COPS3: variants seen among roughly 807,000 people sequenced by gnomAD.
COPS3 encodes the protein COP9 signalosome complex subunit 3.
A neutral mutation model predicts 58.2 loss-of-function variants in COPS3; 10 were observed. The ratio of observed to expected loss-of-function variants is 0.17; its 90% confidence interval spans 0.11 to 0.29. The LOEUF is 0.29. COPS3 is among the 10% of genes least tolerant of loss of function. The pLI is 1.00. For missense variants in COPS3, 333 were observed against 510.1 expected (o/e 0.65, Z 3.34); for synonymous variants, 187 against 181.7 (o/e 1.03, Z -0.24).
chr17:17,277,037 C>A (rs1234021749), intron 1 of COPS3, among the ~76,000 whole-genome samples: 1 of 152,210 alleles, frequency 6.6e-6, no homozygotes, highest in African/African-American at 2.4e-5. Context: ...CTTCCCCTCA[C>A]ACACCTACTC....
intron 5 of COPS3, among the ~76,000 whole-genome samples, chr17:17,267,254 C>T (rs576423430): frequency 6.7e-5 from 10 of 148,408 alleles, no homozygotes; most frequent in Admixed American, 2.8e-4. Context: ...GGGAGAATGG[C>T]GTGAACCCGG....
rs1281238426 is a variant in COPS3, at chr17:17,264,856, C to A, written c.567G>T (p.Gly189=). Reference sequence around the variant, plus strand: ...AGTTCTTCAGCCCAGTATAGATCATCCCTCCATAATAATAGTAACATAAAA... The same window carrying A: ...AGTTCTTCAGCCCAGTATAGATCATACCTCCATAATAATAGTAACATAAAA... ...KHFLCYYYYG[G]MIYTGLKNFE... Residue 189 remains glycine (G), a synonymous_variant, in exon 6 of 12, where the codon GGG becomes GGT. Coordinates refer to ENST00000268717, the MANE Select transcript of COPS3 (RefSeq NM_003653.4). The A allele has an allele frequency of 6.2e-7, 1 of 1,613,334 alleles. No homozygotes were observed. Among genetic ancestry groups the A allele is most frequent in the Non-Finnish European group, 8.5e-7 (1 of 1,179,434 alleles).
chr17:17,254,814 G>GAAAAAAAA lies in COPS3; in HGVS notation c.1023+37_1023+44dup, dbSNP rs71152853. On this transcript the variant is annotated intron_variant, in intron 9 of 11. Coordinates refer to ENST00000268717, the MANE Select transcript of COPS3 (RefSeq NM_003653.4). ...ACAGAGCGAGACTCCATCTCAAAAA[G>GAAAAAAAA]AAAAAAAAAAAAAAAAAAGAAAAAG... 2.3e-3 allele frequency: 1,861 copies of GAAAAAAAA among 819,084 alleles called. 6 individuals are homozygous for GAAAAAAAA. Among genetic ancestry groups the GAAAAAAAA allele is most frequent in the South Asian group, 8.3e-3 (439 of 53,076 alleles). 50.7% of individuals were successfully genotyped at this position (819,084 alleles called of 1,614,324 possible).
chr17:17,267,327 C>CAA (rs778325363), intron 5 of COPS3, among the ~76,000 whole-genome samples: 47 of 50,312 alleles, frequency 9.3e-4, no homozygotes, highest in South Asian at 4.2e-3. Context: ...GACTCCGTCT[C>CAA]AAAAAAAAAA....
At position 17,247,091 on chromosome 17, in the gene COPS3, GTTAGTT is replaced by G; in HGVS notation, c.*1_*6del. 1 of 1,612,698 alleles carries G rather than the reference GTTAGTT, an allele frequency of 6.2e-7. No homozygotes were observed. The highest frequency in any genetic ancestry group is 8.5e-7 in the Non-Finnish European group (1 of 1,178,684). On this transcript the variant is annotated 3_prime_UTR_variant, in exon 12 of 12. Coordinates refer to ENST00000268717, the MANE Select transcript of COPS3 (RefSeq NM_003653.4). ...TTCTCTTGTTTAGCTCAGGATGGAT[GTTAGTT>G]TCAAGAATAACTGGATGGTTTGTTT...
At chr17:17,253,795 AC>A (rs2047901073) in intron 9 of COPS3, among the ~76,000 whole-genome samples, 1 of 152,152 alleles carries the variant, frequency 6.6e-6, no homozygotes, top group Non-Finnish European at 1.5e-5. Context: ...CTCTTTGTAT[AC>A]CAAAAATATT....
intron 4 of COPS3, among the ~76,000 whole-genome samples, chr17:17,269,991 A>G (rs1427029671): frequency 6.6e-6 from 1 of 152,088 alleles, no homozygotes; most frequent in African/African-American, 2.4e-5. Context: ...CCCCGTCTCT[A>G]CTAAAATACA....
At chr17:17,261,915 T>C in intron 7 of COPS3, 51 bp downstream of exon 7, 1 of 1,488,888 alleles carries the variant, frequency 6.7e-7, no homozygotes, top group Non-Finnish European at 9.1e-7. Flanking sequence ...GCAATTTCTT[T>C]ATATACTCAA....
intron 1 of COPS3, among the ~76,000 whole-genome samples, chr17:17,280,336 A>C (rs1294584213): frequency 6.7e-6 from 1 of 149,242 alleles, no homozygotes; most frequent in Non-Finnish European, 1.5e-5. Flanking sequence ...CTCGAAGGCG[A>C]AGGTTGAGGT....
intron 8 of COPS3, among the ~76,000 whole-genome samples, chr17:17,256,013 CAAA>C (rs771287385): frequency 8.9e-6 from 1 of 112,900 alleles, no homozygotes. Context: ...ACTAAAAATA[CAAA>C]AAAAAAAAAA....
rs1408752454 is a variant in COPS3 at position 17,280,763 on chromosome 17, G to A, written c.55+369C>T. 2.4e-6 allele frequency: 3 copies of A among 1,248,424 alleles called. No individual in the cohort carries two copies. In the East Asian group the frequency reaches 1.6e-4, roughly 68 times the overall value. 77.3% of individuals were successfully genotyped at this position (1,248,424 alleles called of 1,614,324 possible). A position where few individuals can be genotyped will look rare whatever the true frequency, so the allele number is the denominator to read the frequency against. ...GGATCGGCGGCAAAGATGACATGGC[G>A]GTGCGCCAATCACCGAAGGCAAGAG... On this transcript the variant is annotated intron_variant, in intron 1 of 11. Transcript: ENST00000268717.
At chr17:17,253,323 A>G (rs2047892523) in intron 9 of COPS3, among the ~76,000 whole-genome samples, 1 of 152,246 alleles carries the variant, frequency 6.6e-6, no homozygotes, top group Non-Finnish European at 1.5e-5. Context: ...ACAGGTTTTC[A>G]GTGAACTAAA....
At chr17:17,252,038 C>T (rs1213648161) in intron 9 of COPS3, among the ~76,000 whole-genome samples, 2 of 151,550 alleles carry the variant, frequency 1.3e-5, no homozygotes, top group East Asian at 1.9e-4. Context: ...CACTGCACTC[C>T]AGCCTGGGTG....
chr17:17,264,493 A>G (rs2048178108), intron 6 of COPS3, among the ~76,000 whole-genome samples: 1 of 152,236 alleles, frequency 6.6e-6, no homozygotes. Context: ...ACTCAGTTCA[A>G]TCTCTTCCTT....
At chr17:17,254,010 T>TTA (rs2047906409) in intron 9 of COPS3, among the ~76,000 whole-genome samples, 1 of 143,446 alleles carries the variant, frequency 7.0e-6, no homozygotes, top group Admixed American at 7.1e-5. Context: ...TAAAAGAAAA[T>TTA]AATAAGGAGT....
intron 1 of COPS3, among the ~76,000 whole-genome samples, chr17:17,279,917 A>G (rs551317803): frequency 4.4e-4 from 67 of 152,340 alleles, no homozygotes; most frequent in African/African-American, 1.6e-3. Flanking sequence ...TACGCAATGA[A>G]TGAACCAAAC....
At chr17:17,249,479 A>G (rs1567844423) in intron 9 of COPS3, among the ~76,000 whole-genome samples, 1 of 151,752 alleles carries the variant, frequency 6.6e-6, no homozygotes, top group Non-Finnish European at 1.5e-5. Flanking sequence ...GCCCGCCACC[A>G]CACCAGGCTA....
intron 1 of COPS3, among the ~76,000 whole-genome samples, chr17:17,279,149 C>A (rs2048522851): frequency 6.6e-6 from 1 of 152,212 alleles, no homozygotes; most frequent in Non-Finnish European, 1.5e-5. Context: ...GCTGGAATTA[C>A]AGGAGTGAGC....
chr17:17,275,094 ATTTTTT>A lies in COPS3; in HGVS notation c.185+935_185+940del, dbSNP rs11372300. 5.5e-3 allele frequency among the ~76,000 whole-genome samples: 801 copies of A among 144,356 alleles called. 8 individuals are homozygous for A. Among genetic ancestry groups the A allele is most frequent in the African/African-American group, 0.019 (754 of 39,048 alleles). The allele number at this position is 144,356 out of a possible 152,430, so 94.7% of individuals were successfully genotyped here. A position where few individuals can be genotyped will look rare whatever the true frequency, so the allele number is the denominator to read the frequency against. On this transcript the variant is annotated intron_variant, in intron 2 of 11. Transcript: ENST00000268717. Reference sequence around the variant, plus strand: ...CTCAAAGCAGGAAAAGCAACAACTGATTTTTTTTTTTTTTTTGAGAGAGTCTCCCTC... The same window carrying A: ...CTCAAAGCAGGAAAAGCAACAACTGATTTTTTTTTTGAGAGAGTCTCCCTC...
Sources: gnomAD v4.1 joint callset for allele counts (sites outside exome capture counted in the v4.1 genomes callset) on GRCh38, gnomAD v4.1.1 for gene constraint, MANE v1.5 for transcripts, NCBI Gene and HGNC (gene_info 2026-07-23, HGNC 2026-07-21) for gene names.